TYW1B: variants seen among roughly 807,000 people sequenced by gnomAD.
The protein encoded by TYW1B is tRNA-yW synthesizing protein 1 homolog B, also known as S-adenosyl-L-methionine-dependent tRNA 4-demethylwyosine synthase TYW1B.
In TYW1B, 73 loss-of-function variants were observed where a neutral mutation model predicts 86.9. The ratio of observed to expected loss-of-function variants is 0.84; its 90% CI spans 0.70 to 1.02. The LOEUF is 1.02. Among genes scored for constraint, TYW1B ranks in the 50% least tolerant of loss-of-function variants. The pLI, the probability that TYW1B is intolerant of heterozygous loss-of-function variation, is 0.00. For synonymous variants in TYW1B, 248 were observed against 292.8 expected (o/e 0.85, Z 1.56); for missense variants, 637 against 827.4 (o/e 0.77, Z 2.82).
intron 7 of TYW1B, among the ~76,000 whole-genome samples, chr7:72,748,078 G>A (rs1156343808): frequency 2.0e-5 from 3 of 152,114 alleles, no homozygotes; most frequent in African/African-American, 7.2e-5. Context: ...AGACCGTCCT[G>A]GCTAACATGG....
At position 72,828,147 on chromosome 7, in the gene TYW1B, A is replaced by G. The variant is rs1264181979; in HGVS notation, c.-72T>C. 1 of 1,605,228 alleles carries G rather than the reference A, an allele frequency of 6.2e-7. No homozygotes were observed. Among genetic ancestry groups the G allele is most frequent in the East Asian group, 2.2e-5 (1 of 44,622 alleles). ...CAAAGGTTCGCACTGGTACTGCGAG[A>G]CGCACCGAGCTACCTCGCGGCGTTA... On this transcript the variant is annotated 5_prime_UTR_variant, in exon 1 of 14. Transcript: ENST00000620995.
intron 6 of TYW1B, among the ~76,000 whole-genome samples, chr7:72,801,246 T>C (rs1340747518): frequency 2.0e-5 from 3 of 152,128 alleles, no homozygotes; most frequent in Admixed American, 1.3e-4. Context: ...GGAGAATCAC[T>C]TGAACCCAGG....
chr7:72,787,194 A>G (rs1197415572), intron 6 of TYW1B, among the ~76,000 whole-genome samples: 1 of 152,118 alleles, frequency 6.6e-6, no homozygotes, highest in Non-Finnish European at 1.5e-5. Context: ...AAGCAAGACC[A>G]GGCCCGGTGG....
At chr7:72,817,836 A>C (rs1788753442) in intron 2 of TYW1B, among the ~76,000 whole-genome samples, 1 of 152,066 alleles carries the variant, frequency 6.6e-6, no homozygotes, top group African/African-American at 2.4e-5. Flanking sequence ...AATTGGTTAC[A>C]CCCTATGCAA....
At chr7:72,642,597 T>C (rs1585870289) in intron 11 of TYW1B, among the ~76,000 whole-genome samples, 1 of 152,302 alleles carries the variant, frequency 6.6e-6, no homozygotes, top group South Asian at 2.1e-4. Flanking sequence ...GAGAATAGTA[T>C]TCAGCAAAAA....
At chr7:72,632,327 ATATATACACG>A (rs1224316601) in intron 11 of TYW1B, among the ~76,000 whole-genome samples, 1 of 120,672 alleles carries the variant, frequency 8.3e-6, no homozygotes, top group Non-Finnish European at 1.6e-5. Flanking sequence ...TATATTATAT[ATATATACACG>A]TATATATATT....
chr7:72,786,550 A>G (rs191974815), intron 6 of TYW1B, among the ~76,000 whole-genome samples: 4 of 151,240 alleles, frequency 2.6e-5, no homozygotes, highest in Non-Finnish European at 5.9e-5. Context: ...CCCACTATAA[A>G]CAAAGTTTTT....
intron 13 of TYW1B, among the ~76,000 whole-genome samples, chr7:72,607,109 T>C (rs879972615): frequency 2.6e-5 from 4 of 151,830 alleles, no homozygotes; most frequent in Non-Finnish European, 4.4e-5. Context: ...ACACAATAAA[T>C]AGAAAGTTGG....
chr7:72,695,730 C>T (rs1814300227), intron 10 of TYW1B, among the ~76,000 whole-genome samples: 1 of 151,882 alleles, frequency 6.6e-6, no homozygotes. Context: ...GTAGCTGGGA[C>T]CACATGCATG....
intron 11 of TYW1B, among the ~76,000 whole-genome samples, chr7:72,663,194 T>TG (rs1263571582): frequency 1.1e-3 from 74 of 69,716 alleles, no homozygotes; most frequent in Non-Finnish European, 1.4e-3. Flanking sequence ...CGGGGGGTTG[T>TG]GGGGGGGTTG....
At chr7:72,711,463 CTCTT>C (rs1376550648) in intron 10 of TYW1B, among the ~76,000 whole-genome samples, 3 of 118,748 alleles carry the variant, frequency 2.5e-5, no homozygotes, top group African/African-American at 6.2e-5. Flanking sequence ...TGTTTCTCTC[CTCTT>C]TAATTCTTTT....
chr7:72,657,044 T>C (rs536329536), intron 11 of TYW1B, among the ~76,000 whole-genome samples: 8 of 152,068 alleles, frequency 5.3e-5, no homozygotes, highest in African/African-American at 1.9e-4. Flanking sequence ...CAGTAAAAGA[T>C]CTCAAAGAAA....
intron 9 of TYW1B, among the ~76,000 whole-genome samples, chr7:72,727,422 A>C (rs1554458929): frequency 6.6e-6 from 1 of 152,176 alleles, no homozygotes; most frequent in East Asian, 1.9e-4. Context: ...ACAAATTCCA[A>C]TTCATCACCT....
chr7:72,802,331 G>A (rs1788415486), intron 6 of TYW1B, 69 bp downstream of exon 6: 3 of 1,593,006 alleles, frequency 1.9e-6, no homozygotes, highest in Non-Finnish European at 2.6e-6. Flanking sequence ...GGACTACACA[G>A]TAATAAAGAA....
At chr7:72,595,253 C>CA (rs1260651015) in intron 13 of TYW1B, among the ~76,000 whole-genome samples, 3 of 152,008 alleles carry the variant, frequency 2.0e-5, no homozygotes, top group East Asian at 1.9e-4. Context: ...AAGATTCAAC[C>CA]AAAAAACTGT....
rs201860601 is a variant in TYW1B at position 72,636,841 on chromosome 7, T to TA, written c.1507-7845dup. On this transcript the variant is annotated intron_variant, in intron 11 of 13. Transcript: ENST00000620995. ...AAATAGTTGCTTCTATGCTTATGAGTAAAAATCGCTTTTGTCTTATTCTTC... is the reference window on the plus strand; with the variant it reads ...AAATAGTTGCTTCTATGCTTATGAGTAAAAAATCGCTTTTGTCTTATTCTTC... Among the ~76,000 whole-genome samples the TA allele has an allele frequency of 1.1e-3, 163 of 152,314 alleles. No individual in the cohort carries two copies. In the East Asian group the frequency reaches 0.012, roughly 11 times the overall value.
chr7:72,727,047 C>T (rs1201949678), intron 9 of TYW1B, among the ~76,000 whole-genome samples: 1 of 152,086 alleles, frequency 6.6e-6, no homozygotes, highest in Non-Finnish European at 1.5e-5. Context: ...TTACCTCCAC[C>T]GGTCTCTCTC....
intron 11 of TYW1B, among the ~76,000 whole-genome samples, chr7:72,662,947 T>C (rs560044315): frequency 5.9e-5 from 9 of 152,320 alleles, no homozygotes; most frequent in African/African-American, 2.2e-4. Flanking sequence ...CAAAAGAAAT[T>C]AGCTTCTGAT....
chr7:72,658,506 TC>T (rs1444354767), intron 11 of TYW1B, among the ~76,000 whole-genome samples: 4 of 152,192 alleles, frequency 2.6e-5, no homozygotes, highest in African/African-American at 4.8e-5. Context: ...AAATAGATAC[TC>T]CTTCTAGGGA....
Sources: gnomAD v4.1 joint callset for allele counts (sites outside exome capture counted in the v4.1 genomes callset) on GRCh38, gnomAD v4.1.1 for gene constraint, MANE v1.5 for transcripts, NCBI Gene and HGNC (gene_info 2026-07-23, HGNC 2026-07-21) for gene names.